NTM: variants seen among roughly 807,000 people sequenced by gnomAD.
The protein encoded by NTM is IgLON family member 2.
NTM carries 13 observed loss-of-function variants against 42.1 expected under a neutral mutation model. That is an observed-to-expected ratio of 0.31 (90% CI 0.20 to 0.49). The LOEUF is 0.49. Among genes scored for constraint, NTM ranks in the 20% least tolerant of loss-of-function variants. NTM has a pLI of 0.99. For synonymous variants in NTM, 187 were observed against 179.2 expected (o/e 1.04, Z -0.35); for missense variants, 373 against 452.8 (o/e 0.82, Z 1.60).
chr11:132,003,772 C>G lies in NTM; in HGVS notation c.167+92124C>G, dbSNP rs2135331506. Among the ~76,000 whole-genome samples, 1 of 152,268 alleles carries G rather than the reference C, an allele frequency of 6.6e-6. No homozygotes were observed. The highest frequency in any genetic ancestry group is 3.4e-3 in the Middle Eastern group (1 of 294). ...TCCTTGGAATCTACACAGAGAAATC[C>G]CTGAGCTTTACTTTTTCTGGACCTG... On this transcript the variant is annotated intron_variant, in intron 2 of 8. Transcript: ENST00000683400. This position sits in a 1 kb window ranked among gnomAD's most constrained non-coding sequence, Gnocchi z 6.0.
At chr11:131,467,341 C>T (rs2136151868) in intron 1 of NTM, among the ~76,000 whole-genome samples, 1 of 152,292 alleles carries the variant, frequency 6.6e-6, no homozygotes, top group Non-Finnish European at 1.5e-5. Context: ...TTCTCTCATT[C>T]CCATAACTCA....
chr11:131,884,328 G>T (rs2050022112), intron 1 of NTM, among the ~76,000 whole-genome samples: 1 of 152,248 alleles, frequency 6.6e-6, no homozygotes, highest in Admixed American at 6.5e-5. Context: ...AGAATCATTT[G>T]AACCCGGGAG....
chr11:132,130,375 G>A (rs567504247), intron 2 of NTM, among the ~76,000 whole-genome samples: 4 of 152,214 alleles, frequency 2.6e-5, no homozygotes, highest in Non-Finnish European at 4.4e-5. Flanking sequence ...GGAAGGTACC[G>A]CATTTTCCAT....
At chr11:131,409,831 T>C (rs537742223) in intron 1 of NTM, among the ~76,000 whole-genome samples, 10 of 152,314 alleles carry the variant, frequency 6.6e-5, no homozygotes, top group African/African-American at 2.4e-4. Flanking sequence ...CCTTGGGCTT[T>C]CTTTCATCTG....
In NTM at chr11:132,335,305, T is replaced by C. The variant is rs2095864218; in HGVS notation, c.*159T>C. ...AAATTTGAGGGAGGGGAACAAAGAA[T>C]ACTTTGGGGGGAAAAAAGTTTTAAA... On this transcript the variant is annotated 3_prime_UTR_variant, in exon 9 of 9. Transcript: ENST00000683400. The C allele has an allele frequency of 1.3e-6, 1 of 756,594 alleles. No individual in the cohort carries two copies. Among genetic ancestry groups the C allele is most frequent in the Non-Finnish European group, 2.1e-6 (1 of 486,984 alleles). The allele number at this position is 756,594 out of a possible 1,614,324, so 46.9% of individuals were successfully genotyped here.
At chr11:131,587,732 G>A (rs1159793996) in intron 1 of NTM, among the ~76,000 whole-genome samples, 1 of 152,156 alleles carries the variant, frequency 6.6e-6, no homozygotes, top group Admixed American at 6.5e-5. Flanking sequence ...CCCAGTCCAG[G>A]ACTCTATTCT....
At chr11:132,081,722 TA>T (rs543753433) in intron 2 of NTM, among the ~76,000 whole-genome samples, 2,646 of 127,936 alleles carry the variant, frequency 0.021, 21 homozygotes, top group Non-Finnish European at 0.027. Flanking sequence ...AGACTCCATC[TA>T]AAAAAAAAAA....
At chr11:132,241,212 G>A (rs2090132965) in intron 4 of NTM, among the ~76,000 whole-genome samples, 1 of 152,096 alleles carries the variant, frequency 6.6e-6, no homozygotes, top group African/African-American at 2.4e-5. Context: ...TTTCACATAA[G>A]GGATACTCAA....
chr11:131,428,985 G>T (rs1948432452), intron 1 of NTM, among the ~76,000 whole-genome samples: 1 of 152,096 alleles, frequency 6.6e-6, no homozygotes, highest in South Asian at 2.1e-4. Context: ...AACCCAGGAG[G>T]TGGAGGTTGC....
At chr11:131,384,283 G>A (rs764271014) in intron 1 of NTM, among the ~76,000 whole-genome samples, 4 of 152,188 alleles carry the variant, frequency 2.6e-5, no homozygotes, top group Non-Finnish European at 5.9e-5. Context: ...AAGGGATCTG[G>A]AAAAGCAGAT....
At chr11:132,086,394 AC>A (rs1184120502) in intron 2 of NTM, among the ~76,000 whole-genome samples, 4 of 152,048 alleles carry the variant, frequency 2.6e-5, no homozygotes, top group Non-Finnish European at 4.4e-5. Flanking sequence ...GGAAAAAAAA[AC>A]TTTTCTCCAG....
intron 1 of NTM, among the ~76,000 whole-genome samples, chr11:131,727,228 A>C (rs1359952506): frequency 1.4e-5 from 2 of 145,104 alleles, no homozygotes; most frequent in South Asian, 4.1e-4. Context: ...ATCTGGCTTC[A>C]AAAGCAACAA....
chr11:131,967,776 C>G (rs1423079120), intron 2 of NTM, among the ~76,000 whole-genome samples: 2 of 152,096 alleles, frequency 1.3e-5, no homozygotes, highest in Non-Finnish European at 2.9e-5. Flanking sequence ...TAGCTGACAA[C>G]AGTGGGGAAG....
chr11:131,657,878 T>C (rs1344280884), intron 1 of NTM, among the ~76,000 whole-genome samples: 1 of 152,120 alleles, frequency 6.6e-6, no homozygotes, highest in Non-Finnish European at 1.5e-5. Context: ...CTCAAATACA[T>C]GGCAAAACAG....
intron 1 of NTM, among the ~76,000 whole-genome samples, chr11:131,689,144 C>G (rs1179143216): frequency 6.6e-6 from 1 of 152,252 alleles, no homozygotes; most frequent in Non-Finnish European, 1.5e-5. Context: ...CTACCCGGAG[C>G]TCTGCTTTTT....
At chr11:131,884,656 G>A (rs571102904) in intron 1 of NTM, among the ~76,000 whole-genome samples, 3 of 152,192 alleles carry the variant, frequency 2.0e-5, no homozygotes, top group African/African-American at 7.2e-5. Context: ...ACGGGTCCCA[G>A]GGGAAACACC....
intron 1 of NTM, among the ~76,000 whole-genome samples, chr11:131,728,312 C>CT (rs1210867896): frequency 6.6e-6 from 1 of 152,202 alleles, no homozygotes; most frequent in Non-Finnish European, 1.5e-5. Flanking sequence ...ATCAGGAATT[C>CT]CATGACCTTG....
chr11:131,783,081 T>G (rs1214790415), intron 1 of NTM, among the ~76,000 whole-genome samples: 1 of 152,032 alleles, frequency 6.6e-6, no homozygotes, highest in African/African-American at 2.4e-5. Flanking sequence ...ACATAGAAAA[T>G]TCAAAGCAAT....
chr11:131,724,457 A>G (rs1184166391), intron 1 of NTM, among the ~76,000 whole-genome samples: 1 of 152,182 alleles, frequency 6.6e-6, no homozygotes, highest in East Asian at 1.9e-4. Context: ...AGTCATGTAC[A>G]CATTTCTTTA....
Sources: gnomAD v4.1 joint callset for allele counts (sites outside exome capture counted in the v4.1 genomes callset) on GRCh38, gnomAD v4.1.1 for gene constraint, Gnocchi (gnomAD v3.1) non-coding constraint, MANE v1.5 for transcripts, NCBI Gene and HGNC (gene_info 2026-07-23, HGNC 2026-07-21) for gene names.